Variants in CLDN16 observed in about 807,000 individuals in gnomAD.
CLDN16 encodes claudin-16.
A neutral mutation model predicts 24.6 loss-of-function variants in CLDN16; 13 were observed. The observed-to-expected ratio is 0.53, with a 90% CI of 0.34 to 0.84. The LOEUF (loss-of-function observed/expected upper bound fraction) is 0.84. Among genes scored for constraint, CLDN16 ranks in the 40% least tolerant of loss-of-function variants. The pLI is 0.01. For missense variants in CLDN16, 298 were observed against 292.7 expected (o/e 1.02, Z -0.13); for synonymous variants, 116 against 106.7 (o/e 1.09, Z -0.54).
At chr3:190,402,807 C>A (rs562062752) in intron 2 of CLDN16, among the ~76,000 whole-genome samples, 1 of 152,172 alleles carries the variant, frequency 6.6e-6, no homozygotes, top group African/African-American at 2.4e-5. Flanking sequence ...AGGGGGAAAG[C>A]ATTTCAGAGA....
intron 1 of CLDN16, among the ~76,000 whole-genome samples, chr3:190,360,919 C>G (rs1717873701): frequency 6.6e-6 from 1 of 151,976 alleles, no homozygotes; most frequent in Non-Finnish European, 1.5e-5. Context: ...TTTACCCCCA[C>G]TGTTCTTTGT....
At chr3:190,391,296 A>G (rs955092510) in intron 1 of CLDN16, among the ~76,000 whole-genome samples, 2 of 151,446 alleles carry the variant, frequency 1.3e-5, no homozygotes, top group African/African-American at 4.9e-5. Flanking sequence ...ATAAAAATAT[A>G]TACAATTATA....
At position 190,380,138 on chromosome 3, in the gene CLDN16, TCCTTTTCTTCCTTCCCTC is replaced by T. The variant is rs1261772018; in HGVS notation, n.306+5540_306+5557del. On this transcript the variant is annotated intron_variant and non_coding_transcript_variant, in intron 3 of 4. Coordinates refer to the CLDN16 transcript ENST00000468220. ...CCCATTCCTTCCTTTCTTCCTTCCT[TCCTTTTCTTCCTTCCCTC>T]CCTTCCTTCCTTCCTCCCTTCCTTC... Among the ~76,000 whole-genome samples, 137 of 83,588 alleles carry T rather than the reference TCCTTTTCTTCCTTCCCTC, an allele frequency of 1.6e-3. 1 individual carries two copies. Among genetic ancestry groups the T allele is most frequent in the African/African-American group, 5.6e-3 (131 of 23,346 alleles). The allele number at this position is 83,588 out of a possible 152,430, so 54.8% of individuals were successfully genotyped here.
At chr3:190,380,507 A>G (rs1215290448) in intron 3 of CLDN16, among the ~76,000 whole-genome samples, 6 of 152,114 alleles carry the variant, frequency 3.9e-5, no homozygotes, top group East Asian at 1.9e-4. Flanking sequence ...AAGAAATTGC[A>G]TAAATATGTT....
chr3:190,320,442 A>G (rs1716889034), upstream of CLDN16, among the ~76,000 whole-genome samples: 1 of 152,178 alleles, frequency 6.6e-6, no homozygotes, highest in Non-Finnish European at 1.5e-5. Context: ...CAAATTTTTC[A>G]TTTTATAAGT....
At chr3:190,366,704 C>A (rs533735058) in intron 1 of CLDN16, among the ~76,000 whole-genome samples, 3 of 151,910 alleles carry the variant, frequency 2.0e-5, no homozygotes, top group Non-Finnish European at 2.9e-5. Context: ...GGGAAAGGAC[C>A]GTGACTCTCT....
At chr3:190,293,132 C>T in the CLDN16 span, among the ~76,000 whole-genome samples, 15 of 152,206 alleles carry the variant, frequency 9.9e-5, no homozygotes, top group East Asian at 3.9e-4. Flanking sequence ...CCTCAGAAAA[C>T]GTATAATCAT....
At chr3:190,302,534 C>T in the CLDN16 span, among the ~76,000 whole-genome samples, 1 of 152,018 alleles carries the variant, frequency 6.6e-6, no homozygotes, top group Non-Finnish European at 1.5e-5. Flanking sequence ...GTTTGGGAGG[C>T]TGAGGTGGGT....
intron 1 of CLDN16, among the ~76,000 whole-genome samples, chr3:190,348,717 T>C (rs1717607846): frequency 6.6e-6 from 1 of 152,326 alleles, no homozygotes; most frequent in South Asian, 2.1e-4. Flanking sequence ...GTTACACAGG[T>C]AAACTTGTGT....
chr3:190,340,148 T>C (rs1345848495), intron 1 of CLDN16, among the ~76,000 whole-genome samples: 1 of 152,192 alleles, frequency 6.6e-6, no homozygotes, highest in Non-Finnish European at 1.5e-5. Flanking sequence ...ACTTTAGGTA[T>C]AGAAGGAAAG....
At chr3:190,326,828 G>T (rs1577395887) in intron 1 of CLDN16, among the ~76,000 whole-genome samples, 1 of 152,144 alleles carries the variant, frequency 6.6e-6, no homozygotes, top group Non-Finnish European at 1.5e-5. Context: ...AGGTTACCTT[G>T]AAACAAGGTG....
chr3:190,311,682 CTAT>C, the CLDN16 span, among the ~76,000 whole-genome samples: 10 of 150,260 alleles, frequency 6.7e-5, no homozygotes, highest in African/African-American at 2.2e-4. Flanking sequence ...ATATAGTAGT[CTAT>C]TATTATAGCT....
chr3:190,331,971 C>A (rs1717189869), intron 1 of CLDN16, among the ~76,000 whole-genome samples: 1 of 135,634 alleles, frequency 7.4e-6, no homozygotes, highest in Non-Finnish European at 1.6e-5. Context: ...GGGCCAAATG[C>A]TTTTCACAAA....
intron 3 of CLDN16, among the ~76,000 whole-genome samples, chr3:190,407,325 T>C (rs184378422): frequency 6.7e-4 from 102 of 152,218 alleles, no homozygotes; most frequent in African/African-American, 2.4e-3. Context: ...GATCCAGTTA[T>C]TTGGGTGTTG....
upstream of CLDN16, among the ~76,000 whole-genome samples, chr3:190,385,920 C>A (rs931455589): frequency 3.9e-5 from 6 of 152,136 alleles, no homozygotes; most frequent in African/African-American, 9.7e-5. Flanking sequence ...CTTCCACTCC[C>A]AATTTCCTGA....
intron 1 of CLDN16, among the ~76,000 whole-genome samples, chr3:190,390,948 G>A (rs1718640434): frequency 6.6e-6 from 1 of 151,834 alleles, no homozygotes; most frequent in Admixed American, 6.5e-5. Context: ...CCCACAACTG[G>A]CTAATTTTAA....
At chr3:190,326,080 C>G (rs1316826016) in intron 1 of CLDN16, among the ~76,000 whole-genome samples, 1 of 152,080 alleles carries the variant, frequency 6.6e-6, no homozygotes, top group Non-Finnish European at 1.5e-5. Context: ...CTTAAAGTAA[C>G]CTTGAGAAAT....
intron 1 of CLDN16, among the ~76,000 whole-genome samples, chr3:190,365,735 A>G (rs1016947741): frequency 5.9e-5 from 9 of 151,626 alleles, no homozygotes; most frequent in Non-Finnish European, 1.0e-4. Context: ...CAGTATATAC[A>G]CAGTCTCCCA....
chr3:190,324,490 A>G (rs1717016005), intron 1 of CLDN16, among the ~76,000 whole-genome samples: 1 of 142,812 alleles, frequency 7.0e-6, no homozygotes, highest in Non-Finnish European at 1.6e-5. Context: ...CTCAACAAAT[A>G]AATAAATAAA....
Sources: allele counts gnomAD v4.1 joint callset (sites outside exome capture counted in the v4.1 genomes callset), GRCh38; gene constraint gnomAD v4.1.1; transcripts MANE v1.5; gene names NCBI Gene and HGNC (gene_info 2026-07-23, HGNC 2026-07-21).